GSAP: variants seen among roughly 807,000 people sequenced by gnomAD.
GSAP encodes the protein gamma-secretase-activating protein.
A neutral mutation model predicts 131.7 loss-of-function variants in GSAP; 118 were observed. The observed-to-expected ratio is 0.90, with a 90% CI of 0.77 to 1.04. The LOEUF is 1.04. GSAP is among the 50% of genes least tolerant of loss of function. The pLI is 0.00. For synonymous variants in GSAP, 381 were observed against 363.4 expected (o/e 1.05, Z -0.55); for missense variants, 1,019 against 1,013.2 (o/e 1.01, Z -0.08).
At chr7:77,397,800 T>C (rs992765185) in intron 3 of GSAP, among the ~76,000 whole-genome samples, 1 of 152,148 alleles carries the variant, frequency 6.6e-6, no homozygotes, top group Non-Finnish European at 1.5e-5. Context: ...ATGGGATTGT[T>C]AGGAGGATCA....
At chr7:77,388,075 GA>G (rs1173922341) in intron 5 of GSAP, among the ~76,000 whole-genome samples, 3 of 151,976 alleles carry the variant, frequency 2.0e-5, no homozygotes, top group African/African-American at 7.2e-5. Context: ...CTACCAGGGG[GA>G]AAAAAAGGTG....
intron 18 of GSAP, among the ~76,000 whole-genome samples, chr7:77,349,681 G>T (rs549475511): frequency 1.2e-3 from 175 of 152,052 alleles, no homozygotes; most frequent in Admixed American, 2.0e-3. Flanking sequence ...GAGCAAATAG[G>T]GTATTTTTAT....
At chr7:77,330,934 T>C (rs917262462) in intron 19 of GSAP, 1 of 806,842 alleles carries the variant, frequency 1.2e-6, no homozygotes, top group African/African-American at 1.9e-5. Context: ...ATCTAGATCT[T>C]TGAATTATTG....
Position 77,311,416 on chromosome 7 carries a change from T to G in GSAP, c.2507A>C (p.Asp836Ala). 6.2e-7 allele frequency: 1 copy of G among 1,611,968 alleles called. No individual in the cohort carries two copies. The highest frequency in any genetic ancestry group is 8.5e-7 in the Non-Finnish European group (1 of 1,178,170). ...LYPFEGHDNVDAEFVEEAALK... is the reference protein window; with the variant it reads ...LYPFEGHDNVAAEFVEEAALK... ...AGCTGCTTCCTCTACAAATTCTGCATCCACATTGTCATGTCCTTCAAAAGG... is the reference window on the plus strand; with the variant it reads ...AGCTGCTTCCTCTACAAATTCTGCAGCCACATTGTCATGTCCTTCAAAAGG... The change falls in exon 31 of 31, where the codon GAT becomes GCT. Residue 836 changes from aspartate to alanine, a missense_variant. Physicochemically the swap from Asp to Ala is moderately radical, Grantham distance 126. Transcript: ENST00000257626.
intron 5 of GSAP, among the ~76,000 whole-genome samples, chr7:77,393,414 GACCTCTT>G (rs1158051165): frequency 6.6e-6 from 1 of 151,996 alleles, no homozygotes; most frequent in Non-Finnish European, 1.5e-5. Context: ...CTCCAGCCGT[GACCTCTT>G]ACCTGGCCTT....
chr7:77,325,880 G>A (rs989760095), intron 23 of GSAP, among the ~76,000 whole-genome samples: 8 of 152,128 alleles, frequency 5.3e-5, no homozygotes, highest in Non-Finnish European at 1.0e-4. Context: ...CTGTTCTGTT[G>A]TATTTGAAAC....
chr7:77,375,812 C>G (rs895238915), intron 10 of GSAP, among the ~76,000 whole-genome samples: 1 of 149,936 alleles, frequency 6.7e-6, no homozygotes, highest in African/African-American at 2.5e-5. Context: ...CCACTGCACT[C>G]CAGCCAGGGC....
chr7:77,312,806 G>A (rs1305046139), intron 28 of GSAP, among the ~76,000 whole-genome samples: 1 of 152,236 alleles, frequency 6.6e-6, no homozygotes, highest in African/African-American at 2.4e-5. Flanking sequence ...AGGTGCAAGT[G>A]TGCAAGGCAT....
intron 6 of GSAP, among the ~76,000 whole-genome samples, chr7:77,384,498 T>C (rs1436425021): frequency 6.6e-6 from 1 of 152,216 alleles, no homozygotes; most frequent in Non-Finnish European, 1.5e-5. Flanking sequence ...ATGCAGATTA[T>C]ATTTACTTTG....
intron 26 of GSAP, chr7:77,316,059 A>G (rs891077987): frequency 1.3e-5 from 2 of 152,232 alleles, no homozygotes; most frequent in African/African-American, 4.8e-5. Context: ...TGAGGAGGTA[A>G]TGAAAGTTTT....
At chr7:77,318,356 A>C (rs1448750544) in intron 26 of GSAP, among the ~76,000 whole-genome samples, 3 of 152,220 alleles carry the variant, frequency 2.0e-5, no homozygotes, top group African/African-American at 7.2e-5. Flanking sequence ...TTTTATGAAA[A>C]TTAAGTGTAC....
chr7:77,370,108 A>T (rs1349478152), intron 12 of GSAP, among the ~76,000 whole-genome samples: 1 of 152,190 alleles, frequency 6.6e-6, no homozygotes, highest in Non-Finnish European at 1.5e-5. Context: ...AAAAAGGAAT[A>T]AAAAGCCACA....
intron 3 of GSAP, 38 bp from the exon 4 acceptor site, chr7:77,397,453 T>TA (rs757326991): frequency 2.8e-6 from 3 of 1,085,194 alleles, no homozygotes; most frequent in Non-Finnish European, 4.2e-6. Flanking sequence ...TGAAGTTTCA[T>TA]ACATTAAATA....
chr7:77,402,144 C>T (rs1801413339), intron 3 of GSAP, among the ~76,000 whole-genome samples: 1 of 152,018 alleles, frequency 6.6e-6, no homozygotes, highest in Admixed American at 6.6e-5. Flanking sequence ...AAGACTCAGA[C>T]ACTGTTATCC....
chr7:77,334,580 T>TAAAAAAAAAAAAA, intron 19 of GSAP, among the ~76,000 whole-genome samples: 1 of 81,924 alleles, frequency 1.2e-5, no homozygotes, highest in Non-Finnish European at 2.2e-5. Flanking sequence ...ACTTAAAATT[T>TAAAAAAAAAAAAA]AAAAAAAAAA....
chr7:77,390,946 TAAAAAAAAAAAAAAAAAAAAA>T (rs71085453), intron 5 of GSAP, among the ~76,000 whole-genome samples: 126 of 37,946 alleles, frequency 3.3e-3, no homozygotes, highest in Middle Eastern at 0.014. Context: ...AGACTCCGTC[TAAAAAAAAAAAAAAAAAAAAA>T]AAAAAAAAAA....
chr7:77,359,231 T>G lies in GSAP; in HGVS notation c.1027+1593A>C, dbSNP rs868455043. ...AAAAAAGAAACTATTAATAATCTAG[T>G]GTCCCTTATAAAAGACACTGAGGTA... On this transcript the variant is annotated intron_variant, in intron 14 of 30. Transcript: ENST00000257626. 1.3e-4 allele frequency among the ~76,000 whole-genome samples: 19 copies of G among 151,998 alleles called. No individual in the cohort carries two copies. In the South Asian group the frequency reaches 3.7e-3, roughly 30 times the overall value.
At chr7:77,397,291 A>G (rs1311829155) in intron 4 of GSAP, 55 bp downstream of exon 4, 18 of 1,046,796 alleles carry the variant, frequency 1.7e-5, no homozygotes, top group Non-Finnish European at 2.6e-5. Context: ...ATACTTTGAA[A>G]CTCTTGAAAG....
chr7:77,312,409 G>C (rs1033145217), intron 28 of GSAP, among the ~76,000 whole-genome samples: 1 of 152,144 alleles, frequency 6.6e-6, no homozygotes, highest in African/African-American at 2.4e-5. Flanking sequence ...CTACATTGAG[G>C]AAAGTGGTTT....
Sources: allele counts gnomAD v4.1 joint callset (sites outside exome capture counted in the v4.1 genomes callset), GRCh38; gene constraint gnomAD v4.1.1; transcripts MANE v1.5; gene names NCBI Gene and HGNC (gene_info 2026-07-23, HGNC 2026-07-21).